Variants in ITPR2 observed in about 807,000 individuals in gnomAD.
The protein encoded by ITPR2 is inositol 1,4,5-trisphosphate receptor type 2, also known as inositol 1,4,5-trisphosphate-gated calcium channel ITPR2.
A neutral mutation model predicts 317.1 loss-of-function variants in ITPR2; 207 were observed. That is an observed-to-expected ratio of 0.65 (90% CI 0.58 to 0.73). ITPR2 has a LOEUF of 0.73. ITPR2 is among the 30% of genes least tolerant of loss of function. The pLI is 0.00. For missense variants in ITPR2, 2,613 were observed against 3,284.0 expected (o/e 0.80, Z 4.99); for synonymous variants, 1,156 against 1,149.1 (o/e 1.01, Z -0.12).
chr12:26,377,966 C>T (rs1310546039), intron 55 of ITPR2, among the ~76,000 whole-genome samples: 1 of 152,146 alleles, frequency 6.6e-6, no homozygotes, highest in Non-Finnish European at 1.5e-5. Flanking sequence ...CTCGGTGAAA[C>T]TGTCCTTAGT....
At chr12:26,597,325 G>A (rs554888767) in intron 30 of ITPR2, among the ~76,000 whole-genome samples, 191 bp from the exon 31 acceptor site, 3 of 152,280 alleles carry the variant, frequency 2.0e-5, no homozygotes, top group South Asian at 2.1e-4. Flanking sequence ...AGCTATGAAC[G>A]CTATCAAAAC....
At chr12:26,584,587 C>T (rs933255871) in intron 32 of ITPR2, among the ~76,000 whole-genome samples, 1 of 152,102 alleles carries the variant, frequency 6.6e-6, no homozygotes, top group African/African-American at 2.4e-5. Context: ...TTGAGCAGCA[C>T]GGTCCTACAG....
intron 37 of ITPR2, among the ~76,000 whole-genome samples, chr12:26,546,221 T>A (rs1178773743): frequency 6.6e-6 from 1 of 152,212 alleles, no homozygotes; most frequent in Non-Finnish European, 1.5e-5. Flanking sequence ...ATTTGATGTG[T>A]CCATCACTCA....
chr12:26,424,758 T>G (rs1338319952), intron 49 of ITPR2, among the ~76,000 whole-genome samples: 2 of 151,230 alleles, frequency 1.3e-5, no homozygotes, highest in Non-Finnish European at 2.9e-5. Context: ...ACCAGCTAAT[T>G]TTTGTTTTGT....
At chr12:26,779,322 T>C (rs749449357) in intron 2 of ITPR2, among the ~76,000 whole-genome samples, 1 of 152,218 alleles carries the variant, frequency 6.6e-6, no homozygotes, top group Non-Finnish European at 1.5e-5. Flanking sequence ...AACATTTAAC[T>C]ATGGGTCATC....
At chr12:26,540,855 T>C (rs1256112432) in intron 37 of ITPR2, among the ~76,000 whole-genome samples, 1 of 152,124 alleles carries the variant, frequency 6.6e-6, no homozygotes, top group East Asian at 1.9e-4. Flanking sequence ...TATACCCACT[T>C]TAATGGTTGA....
intron 34 of ITPR2, among the ~76,000 whole-genome samples, chr12:26,568,469 T>C (rs1049410990): frequency 6.6e-6 from 1 of 152,128 alleles, no homozygotes; most frequent in African/African-American, 2.4e-5. Flanking sequence ...GGAAGTTCTC[T>C]GGATATGACA....
intron 28 of ITPR2, 110 bp downstream of exon 28, chr12:26,602,260 G>T: frequency 8.5e-7 from 1 of 1,178,900 alleles, no homozygotes; most frequent in South Asian, 1.6e-5. Flanking sequence ...CACCTGGTGG[G>T]TGATTTATTC....
At chr12:26,550,958 A>G (rs143411922) in intron 36 of ITPR2, among the ~76,000 whole-genome samples, 4 of 152,336 alleles carry the variant, frequency 2.6e-5, no homozygotes, top group African/African-American at 9.6e-5. Context: ...AATTTGGGCA[A>G]AAACTCCAAT....
At chr12:26,385,104 A>G (rs540235300) in intron 55 of ITPR2, among the ~76,000 whole-genome samples, 2 of 152,210 alleles carry the variant, frequency 1.3e-5, no homozygotes, top group African/African-American at 4.8e-5. Context: ...CTCCCTTTAG[A>G]TGAGGAGGCA....
At chr12:26,619,571 G>A (rs1423684851) in intron 26 of ITPR2, among the ~76,000 whole-genome samples, 2 of 152,010 alleles carry the variant, frequency 1.3e-5, no homozygotes, top group African/African-American at 4.8e-5. Flanking sequence ...CCCCTAAACA[G>A]GAGACCCAGA....
At chr12:26,395,817 T>C (rs1036239600) in intron 54 of ITPR2, among the ~76,000 whole-genome samples, 6 of 152,212 alleles carry the variant, frequency 3.9e-5, no homozygotes, top group African/African-American at 1.4e-4. Context: ...GAGTGGACTT[T>C]TGAGTTAGGT....
chr12:26,695,694 G>A (rs1165471516), intron 9 of ITPR2, 44 bp from the exon 10 acceptor site: 15 of 1,282,966 alleles, frequency 1.2e-5, no homozygotes, highest in South Asian at 1.1e-4. Context: ...GCTATGAAAA[G>A]CACACTAACA....
Position 26,722,436 on chromosome 12 carries a change from A to G in ITPR2, c.486T>C (p.Tyr162=), listed in dbSNP as rs745685601. 4.3e-6 allele frequency: 7 copies of G among 1,612,926 alleles called. No individual in the cohort carries two copies. The African/African-American group carries it at 6.7e-5, about 15-fold the overall frequency. ...TTCTCAGTTTCCAGAACGGATGAAT[A>G]TAAAACCAAGACCCTTCATTTCCTG... ...DAAGNEGSWF[Y]IHPFWKLRSE... is the part of the protein sequence containing the mutation. Residue 162 remains tyrosine (Y), a synonymous_variant, in exon 5 of 57, where the codon TAT becomes TAC. Transcript: ENST00000381340.
At position 26,495,186 on chromosome 12, in the gene ITPR2, T is replaced by C. The variant is rs1459629664; in HGVS notation, c.5148A>G (p.Leu1716=). 21 of 1,608,456 alleles carry C rather than the reference T, an allele frequency of 1.3e-5. No homozygotes were observed. Among genetic ancestry groups the C allele is most frequent in the Non-Finnish European group, 1.8e-5 (21 of 1,174,912 alleles). The change falls in exon 38 of 57, where the codon CTA becomes CTG. Residue 1716 remains leucine, a synonymous_variant. Coordinates refer to ENST00000381340, the MANE Select transcript of ITPR2 (RefSeq NM_002223.4). ...GDYSIGVNGH[L]SGAYSKTAQV... is the part of the protein sequence containing the mutation. Reference sequence around the variant, plus strand: ...GTGCAGTTTTGGAGTAGGCTCCTGATAGGTGTCCATTCACACCAATACTAT... The same window carrying C: ...GTGCAGTTTTGGAGTAGGCTCCTGACAGGTGTCCATTCACACCAATACTAT...
chr12:26,531,654 T>TACAC (rs144906868), intron 37 of ITPR2, among the ~76,000 whole-genome samples: 2,680 of 138,764 alleles, frequency 0.019, 33 homozygotes, highest in Non-Finnish European at 0.029. Flanking sequence ...TTACTGTATT[T>TACAC]ACACACACAC....
chr12:26,686,400 TATATTA>T (rs1452322982), intron 11 of ITPR2, 75 bp downstream of exon 11: 3 of 876,288 alleles, frequency 3.4e-6, no homozygotes, highest in Admixed American at 3.4e-5. Context: ...ATCATAAAAA[TATATTA>T]ATATTATTAT....
intron 26 of ITPR2, among the ~76,000 whole-genome samples, chr12:26,603,230 C>T (rs1005065377): frequency 6.6e-6 from 1 of 151,702 alleles, no homozygotes; most frequent in African/African-American, 2.4e-5. Context: ...CGACTCCGGG[C>T]CAACATACAG....
At chr12:26,695,513 T>A in intron 10 of ITPR2, 93 bp downstream of exon 10, 1 of 1,032,168 alleles carries the variant, frequency 9.7e-7, no homozygotes, top group Non-Finnish European at 1.5e-6. Flanking sequence ...TCTGAGCCCC[T>A]AGTCTTCAAA....
Sources: allele counts gnomAD v4.1 joint callset (sites outside exome capture counted in the v4.1 genomes callset), GRCh38; gene constraint gnomAD v4.1.1; transcripts MANE v1.5; gene names NCBI Gene and HGNC (gene_info 2026-07-23, HGNC 2026-07-21).